ROR2: variants seen among roughly 807,000 people sequenced by gnomAD.
ROR2 encodes ROR family WNT receptor 2, also known as tyrosine-protein kinase transmembrane receptor ROR2.
ROR2 carries 33 observed loss-of-function variants against 74.9 expected under a neutral mutation model. That is an observed-to-expected ratio of 0.44 (90% confidence interval 0.33 to 0.59). ROR2 has a LOEUF of 0.59. Among genes scored for constraint, ROR2 ranks in the 20% least tolerant of loss-of-function variants. The pLI, the probability that ROR2 is intolerant of heterozygous loss-of-function variation, is 0.02. For synonymous variants in ROR2, 586 were observed against 558.7 expected (o/e 1.05, Z -0.69); for missense variants, 1,216 against 1,313.8 (o/e 0.93, Z 1.15).
rs777538346 is a variant in ROR2 at position 91,730,940 on chromosome 9, G to A, written c.1153C>T (p.Arg385Cys). 9 of 1,614,030 alleles carry A rather than the reference G, an allele frequency of 5.6e-6. No individual in the cohort carries two copies. The highest frequency in any genetic ancestry group is 1.1e-5 in the South Asian group (1 of 91,078). Residue 385 changes from arginine to cysteine, a missense_variant, in exon 7 of 9, where the codon CGC (arginine) becomes TGC (cysteine). Physicochemically the swap from Arg to Cys is radical, Grantham distance 180. Transcript: ENST00000375708. The part of the protein sequence containing the change: ...PWCFTQNKNV[R>C]MELCDVPSCS... ...GAGGGTACGTCACACAGTTCCATGCGTACGTTTTTATTCTGCGTAAAGCAC... is the reference window on the plus strand; with the variant it reads ...GAGGGTACGTCACACAGTTCCATGCATACGTTTTTATTCTGCGTAAAGCAC...
intron 1 of ROR2, among the ~76,000 whole-genome samples, chr9:91,926,465 G>A (rs1024010361): frequency 2.0e-5 from 3 of 149,184 alleles, no homozygotes; most frequent in Admixed American, 6.8e-5. Flanking sequence ...AGAATTGCTT[G>A]AACCCGGGAG....
At chr9:91,810,447 C>T (rs1041447999) in intron 1 of ROR2, among the ~76,000 whole-genome samples, 9 of 152,080 alleles carry the variant, frequency 5.9e-5, no homozygotes, top group Non-Finnish European at 1.0e-4. Context: ...GATGTTCTCC[C>T]GGGCTTTACC....
chr9:91,722,714 A>G lies in ROR2; in HGVS notation c.*948T>C, dbSNP rs372873645. ...GTCTGTGTGTAACAGGGGCTGTAAA[A>G]TGAATGGACCTCATGTGCACGTGGT... On this transcript the variant is annotated 3_prime_UTR_variant, in exon 9 of 9. Coordinates refer to ENST00000375708, the MANE Select transcript of ROR2 (RefSeq NM_004560.4). 1.4e-5 allele frequency: 10 copies of G among 728,014 alleles called. No homozygotes were observed. Among genetic ancestry groups the G allele is most frequent in the South Asian group, 8.8e-5 (6 of 68,210 alleles). The allele number at this position is 728,014 out of a possible 1,614,324, so 45.1% of individuals were successfully genotyped here. A position where few individuals can be genotyped will look rare whatever the true frequency, so the allele number is the denominator to read the frequency against.
chr9:91,761,759 T>A (rs1198440145), intron 2 of ROR2, among the ~76,000 whole-genome samples: 1 of 152,100 alleles, frequency 6.6e-6, no homozygotes, highest in Non-Finnish European at 1.5e-5. Context: ...TGACCCTTCC[T>A]CAGGAAAGGA....
intron 1 of ROR2, among the ~76,000 whole-genome samples, chr9:91,816,592 G>A (rs1827944107): frequency 6.6e-6 from 1 of 151,708 alleles, no homozygotes; most frequent in African/African-American, 2.4e-5. Context: ...CTGCCCACCT[G>A]CCAAGGCTCC....
chr9:91,884,735 C>T (rs1321819603), intron 1 of ROR2, among the ~76,000 whole-genome samples: 1 of 152,012 alleles, frequency 6.6e-6, no homozygotes, highest in Non-Finnish European at 1.5e-5. Flanking sequence ...ATCCACAGAC[C>T]ATAACATGTC....
chr9:91,841,422 C>T (rs1828778243), intron 1 of ROR2, among the ~76,000 whole-genome samples: 1 of 152,230 alleles, frequency 6.6e-6, no homozygotes, highest in African/African-American at 2.4e-5. Flanking sequence ...CCTGAATGCC[C>T]ATGAGACTGC....
chr9:91,733,456 C>A lies in ROR2; in HGVS notation c.623-20G>T. ...AGGCCGCTGCAGAGCCCGCGAGACT[C>A]GCGTTAGCGGGGGACCCACCTTGCG... On this transcript the variant is annotated intron_variant, in intron 5 of 8. Coordinates refer to ENST00000375708, the MANE Select transcript of ROR2 (RefSeq NM_004560.4). This position sits in a 1 kb window ranked among gnomAD's most constrained non-coding sequence, Gnocchi z 5.7. The A allele has an allele frequency of 1.9e-6, 3 of 1,605,036 alleles. No individual in the cohort carries two copies. The highest frequency in any genetic ancestry group is 2.5e-6 in the Non-Finnish European group (3 of 1,177,814).
At chr9:91,740,123 T>C (rs983203662) in intron 4 of ROR2, among the ~76,000 whole-genome samples, 7 of 152,154 alleles carry the variant, frequency 4.6e-5, no homozygotes, top group African/African-American at 1.7e-4. Flanking sequence ...CCCTGGCCGC[T>C]GGTCAGGTGC....
chr9:91,928,211 G>T (rs1173480269), intron 1 of ROR2, among the ~76,000 whole-genome samples: 1 of 151,920 alleles, frequency 6.6e-6, no homozygotes, highest in Non-Finnish European at 1.5e-5. Flanking sequence ...CCACCCCCAG[G>T]CCCCAAAGCC....
chr9:91,785,870 G>A lies in ROR2; in HGVS notation c.98-10052C>T, dbSNP rs943140883. ...AGGCCCAAGGTTCCACAATCTCTCTGACAACATCCCCTTTTACATGTGCAT... is the reference window on the plus strand; with the variant it reads ...AGGCCCAAGGTTCCACAATCTCTCTAACAACATCCCCTTTTACATGTGCAT... On this transcript the variant is annotated intron_variant, in intron 1 of 8. Coordinates refer to ENST00000375708, the MANE Select transcript of ROR2 (RefSeq NM_004560.4). Among the ~76,000 whole-genome samples, 5 of 151,594 alleles carry A rather than the reference G, an allele frequency of 3.3e-5. No homozygotes were observed. The East Asian group carries it at 9.6e-4, about 29-fold the overall frequency.
At chr9:91,790,512 TAA>T (rs60624626) in intron 1 of ROR2, among the ~76,000 whole-genome samples, 150 of 137,382 alleles carry the variant, frequency 1.1e-3, no homozygotes, top group Non-Finnish European at 1.6e-3. Flanking sequence ...CCGTCTCAAT[TAA>T]AAAAAAAAAA....
At chr9:91,784,941 G>T (rs987951748) in intron 1 of ROR2, among the ~76,000 whole-genome samples, 1 of 152,188 alleles carries the variant, frequency 6.6e-6, no homozygotes, top group Non-Finnish European at 1.5e-5. Context: ...CCCAGCACCT[G>T]AAGAGCAGCA....
chr9:91,948,882 G>A, intron 1 of ROR2: 1 of 985,484 alleles, frequency 1.0e-6, no homozygotes, highest in Non-Finnish European at 1.2e-6. Flanking sequence ...TCCGGCCCGA[G>A]GCGCGCGGGC....
intron 4 of ROR2, among the ~76,000 whole-genome samples, chr9:91,743,090 A>C (rs1411048392): frequency 3.9e-5 from 6 of 152,196 alleles, no homozygotes; most frequent in Non-Finnish European, 7.3e-5. Context: ...TACAAGGAGA[A>C]AATCACTAAT....
At chr9:91,837,599 A>C (rs1316400618) in intron 1 of ROR2, among the ~76,000 whole-genome samples, 1 of 152,238 alleles carries the variant, frequency 6.6e-6, no homozygotes, top group African/African-American at 2.4e-5. Flanking sequence ...TTGGGGAAGA[A>C]GGCCAATCAA....
Position 91,757,374 on chromosome 9 carries a change from G to A in ROR2, c.361C>T (p.Arg121Ter), listed in dbSNP as rs1351801038. The A allele has an allele frequency of 1.9e-6, 3 of 1,613,916 alleles. No individual in the cohort carries two copies. Among genetic ancestry groups the A allele is most frequent in the Non-Finnish European group, 2.5e-6 (3 of 1,179,992 alleles). Residue 121 changes from arginine to a stop codon, truncating the protein, a stop_gained, in exon 3 of 9, where the codon CGA becomes TGA. Transcript: ENST00000375708. LOFTEE classifies it high-confidence loss of function. ...IRKTEYGSRL[R>*]IQDLDTTDTG... ...TCTGTCGTGTCCAGGTCCTGGATTC[G>A]CAGTCGTGAACCATATTCTGTCTTC...
intron 1 of ROR2, among the ~76,000 whole-genome samples, chr9:91,798,748 G>GC (rs1207061168): frequency 6.6e-6 from 1 of 152,080 alleles, no homozygotes; most frequent in African/African-American, 2.4e-5. Flanking sequence ...AGTGTGAGAT[G>GC]CCCCCTCTCA....
chr9:91,880,029 A>T (rs952804871), intron 1 of ROR2, among the ~76,000 whole-genome samples: 12 of 152,134 alleles, frequency 7.9e-5, no homozygotes, highest in Non-Finnish European at 1.5e-4. Flanking sequence ...TGACCTCCAA[A>T]ATTCGTATGT....
Sources: gnomAD v4.1 joint callset for allele counts (sites outside exome capture counted in the v4.1 genomes callset) on GRCh38, gnomAD v4.1.1 for gene constraint, Gnocchi (gnomAD v3.1) non-coding constraint, MANE v1.5 for transcripts, NCBI Gene and HGNC (gene_info 2026-07-23, HGNC 2026-07-21) for gene names.